Variants in GRIA4 observed in about 807,000 individuals in gnomAD.
GRIA4 encodes the protein glutamate receptor 4.
In GRIA4, 34 loss-of-function variants were observed where a neutral mutation model predicts 104.0. The observed-to-expected ratio is 0.33, with a 90% CI of 0.25 to 0.44. The LOEUF is 0.44. Ranked by LOEUF, GRIA4 falls within the 20% of genes least tolerant of loss-of-function variation. The pLI is 1.00. For synonymous variants in GRIA4, 386 were observed against 381.9 expected (o/e 1.01, Z -0.13); for missense variants, 750 against 1,096.5 (o/e 0.68, Z 4.46).
intron 4 of GRIA4, among the ~76,000 whole-genome samples, chr11:105,766,938 C>T (rs1281555167): frequency 2.0e-5 from 3 of 152,034 alleles, no homozygotes; most frequent in Non-Finnish European, 4.4e-5. Context: ...CCTGATATTC[C>T]CTATTGTCCT....
intron 3 of GRIA4, among the ~76,000 whole-genome samples, chr11:105,641,799 T>G (rs1328725423): frequency 6.6e-6 from 1 of 152,212 alleles, no homozygotes; most frequent in Non-Finnish European, 1.5e-5. Context: ...CATACAAAAC[T>G]GCTCTGTATC....
At chr11:105,656,794 T>G (rs932631659) in intron 3 of GRIA4, among the ~76,000 whole-genome samples, 1 of 152,108 alleles carries the variant, frequency 6.6e-6, no homozygotes, top group African/African-American at 2.4e-5. Flanking sequence ...ACAATATCAG[T>G]ATGTGTTTCA....
intron 4 of GRIA4, among the ~76,000 whole-genome samples, chr11:105,810,619 G>T (rs1012844459): frequency 1.3e-5 from 2 of 152,080 alleles, no homozygotes; most frequent in Non-Finnish European, 2.9e-5. Flanking sequence ...ATGGGTTAGG[G>T]GGAAAAGAAA....
intron 6 of GRIA4, among the ~76,000 whole-genome samples, chr11:105,892,669 C>T (rs1198141550): frequency 6.6e-6 from 1 of 152,052 alleles, no homozygotes; most frequent in Non-Finnish European, 1.5e-5. Context: ...ATCAACTTGG[C>T]GACATTGTTT....
At chr11:105,922,756 A>G (rs1339173317) in intron 11 of GRIA4, among the ~76,000 whole-genome samples, 3 of 152,138 alleles carry the variant, frequency 2.0e-5, no homozygotes, top group Non-Finnish European at 4.4e-5. Context: ...AGTCTCTCAG[A>G]GTATATAGAA....
chr11:105,769,589 T>G (rs1008113828), intron 4 of GRIA4, among the ~76,000 whole-genome samples: 1 of 152,002 alleles, frequency 6.6e-6, no homozygotes, highest in Non-Finnish European at 1.5e-5. Flanking sequence ...ACCTGAAAAT[T>G]TGAATTCTGT....
chr11:105,803,213 T>A (rs11226853), intron 4 of GRIA4, among the ~76,000 whole-genome samples: 18,653 of 151,970 alleles, frequency 0.12, 1,254 homozygotes, highest in Admixed American at 0.21. Flanking sequence ...TCATTTACCA[T>A]TTCTTAGACT....
intron 4 of GRIA4, among the ~76,000 whole-genome samples, chr11:105,818,372 G>T (rs1476482383): frequency 6.6e-6 from 1 of 152,124 alleles, no homozygotes; most frequent in East Asian, 1.9e-4. Flanking sequence ...TCAGAGAGTG[G>T]CCTGGGTAAC....
At chr11:105,856,154 T>A (rs1945000763) in intron 4 of GRIA4, among the ~76,000 whole-genome samples, 1 of 152,162 alleles carries the variant, frequency 6.6e-6, no homozygotes, top group Admixed American at 6.6e-5. Context: ...CCTGGATTAC[T>A]ACCATGTGGG....
At chr11:105,854,289 G>A (rs532875042) in intron 4 of GRIA4, among the ~76,000 whole-genome samples, 16 of 152,224 alleles carry the variant, frequency 1.1e-4, no homozygotes, top group Non-Finnish European at 1.6e-4. Context: ...AACCCAGAAC[G>A]GCCTCACTGA....
chr11:105,912,029 T>G (rs777639590), intron 10 of GRIA4: 33 of 1,201,196 alleles, frequency 2.7e-5, no homozygotes, highest in Admixed American at 3.6e-5. Flanking sequence ...TGACCAACTC[T>G]GGACTACCAG....
Position 105,657,993 on chromosome 11 carries a change from G to T in GRIA4, c.247+45559G>T, listed in dbSNP as rs546434985. ...ATTATACCTTTTAAGTTACTTATCT[G>T]TGTGTACAAGTATTTTTATCAGGAA... On this transcript the variant is annotated intron_variant, in intron 3 of 16. Transcript: ENST00000282499. 7.9e-5 allele frequency among the ~76,000 whole-genome samples: 12 copies of T among 151,632 alleles called. No homozygotes were observed. The South Asian group carries it at 2.5e-3, about 31-fold the overall frequency.
At chr11:105,686,964 A>G (rs1207241780) in intron 3 of GRIA4, among the ~76,000 whole-genome samples, 1 of 151,980 alleles carries the variant, frequency 6.6e-6, no homozygotes, top group Non-Finnish European at 1.5e-5. Context: ...TGGATATTAG[A>G]TCTTTGTTGG....
intron 3 of GRIA4, among the ~76,000 whole-genome samples, chr11:105,688,156 C>CTATATCTCTATCTCTATCTA (rs373564678): frequency 6.9e-5 from 5 of 72,772 alleles, no homozygotes; most frequent in African/African-American, 2.8e-4. Context: ...ATATCTATAT[C>CTATATCTCTATCTCTATCTA]TCTATCTATC....
intron 4 of GRIA4, among the ~76,000 whole-genome samples, chr11:105,773,318 G>A (rs1377187295): frequency 6.6e-6 from 1 of 151,698 alleles, no homozygotes; most frequent in Non-Finnish European, 1.5e-5. Flanking sequence ...ATTTAAGAAA[G>A]GAACAAACAA....
At chr11:105,966,985 G>A (rs1450113355) in intron 14 of GRIA4, among the ~76,000 whole-genome samples, 1 of 151,978 alleles carries the variant, frequency 6.6e-6, no homozygotes, top group Non-Finnish European at 1.5e-5. Context: ...ATATTTTGGA[G>A]CTCCAACTGT....
At chr11:105,729,935 C>T (rs534565040) in intron 3 of GRIA4, among the ~76,000 whole-genome samples, 18 of 152,290 alleles carry the variant, frequency 1.2e-4, no homozygotes, top group African/African-American at 4.1e-4. Context: ...ACTGAGTGGG[C>T]AAAAGCTGGA....
intron 14 of GRIA4, among the ~76,000 whole-genome samples, chr11:105,962,363 T>G (rs1948764739): frequency 6.6e-6 from 1 of 152,154 alleles, no homozygotes. Flanking sequence ...CCAAAATTAT[T>G]AATAATAAAT....
intron 5 of GRIA4, among the ~76,000 whole-genome samples, chr11:105,870,547 CAA>C (rs10706239): frequency 3.8e-4 from 53 of 140,184 alleles, no homozygotes; most frequent in Admixed American, 5.0e-4. Flanking sequence ...TGGAAAGGTA[CAA>C]AAAAAAAAAA....
Sources: gnomAD v4.1 joint callset for allele counts (sites outside exome capture counted in the v4.1 genomes callset) on GRCh38, gnomAD v4.1.1 for gene constraint, MANE v1.5 for transcripts, NCBI Gene and HGNC (gene_info 2026-07-23, HGNC 2026-07-21) for gene names.